The following FSTL5 variants were observed in gnomAD, a reference collection of about 807,000 sequenced individuals.
FSTL5 encodes follistatin like 5.
In FSTL5, 62 loss-of-function variants were observed where a neutral mutation model predicts 89.1. That is an observed-to-expected ratio of 0.70 (90% confidence interval 0.57 to 0.86). The LOEUF is 0.86. FSTL5 is among the 40% of genes least tolerant of loss of function. The pLI is 0.00. For missense variants in FSTL5, 1,057 were observed against 1,001.6 expected (o/e 1.06, Z -0.75); for synonymous variants, 383 against 346.2 (o/e 1.11, Z -1.18).
chr4:161,494,295 CAGT>C (rs1038456216), intron 12 of FSTL5, among the ~76,000 whole-genome samples: 10 of 152,066 alleles, frequency 6.6e-5, no homozygotes, highest in African/African-American at 2.4e-4. Context: ...TTCTGAAAGA[CAGT>C]GGTGTTGTAT....
At chr4:162,151,432 A>G (rs960394954) in intron 1 of FSTL5, among the ~76,000 whole-genome samples, 2 of 152,204 alleles carry the variant, frequency 1.3e-5, no homozygotes, top group Non-Finnish European at 2.9e-5. Context: ...CAGTTTTAAA[A>G]GTTTGAAAGG....
chr4:161,937,463 T>C (rs1471808136), intron 3 of FSTL5, among the ~76,000 whole-genome samples: 1 of 152,074 alleles, frequency 6.6e-6, no homozygotes, highest in East Asian at 1.9e-4. Context: ...AATAGACACA[T>C]ATCATGGCAC....
chr4:161,886,060 C>A (rs1211349145), intron 4 of FSTL5, among the ~76,000 whole-genome samples: 2 of 152,074 alleles, frequency 1.3e-5, no homozygotes, highest in Non-Finnish European at 2.9e-5. Context: ...AAACACATTG[C>A]ATACCAGGTC....
intron 1 of FSTL5, among the ~76,000 whole-genome samples, chr4:162,156,685 T>C (rs935531890): frequency 3.3e-5 from 5 of 152,088 alleles, no homozygotes; most frequent in African/African-American, 4.8e-5. Flanking sequence ...AAGTGGGAGC[T>C]AAATATTGTA....
chr4:161,825,263 C>T (rs763347837), intron 4 of FSTL5, among the ~76,000 whole-genome samples: 1 of 148,362 alleles, frequency 6.7e-6, no homozygotes, highest in Non-Finnish European at 1.5e-5. Flanking sequence ...GGTGGATTAT[C>T]TTTTTGATAT....
intron 8 of FSTL5, 92 bp downstream of exon 8, chr4:161,587,363 T>C: frequency 8.7e-7 from 1 of 1,149,416 alleles, no homozygotes; most frequent in South Asian, 1.3e-5. Flanking sequence ...ATATTATTAG[T>C]ACCTTGTAAA....
At chr4:162,001,758 C>G (rs1207395349) in intron 3 of FSTL5, among the ~76,000 whole-genome samples, 2 of 152,126 alleles carry the variant, frequency 1.3e-5, no homozygotes, top group African/African-American at 2.4e-5. Context: ...TATGCCAAAG[C>G]CAGTGCTCTC....
intron 7 of FSTL5, among the ~76,000 whole-genome samples, chr4:161,650,410 A>G (rs748194481): frequency 3.3e-5 from 5 of 152,230 alleles, no homozygotes; most frequent in Non-Finnish European, 7.3e-5. Context: ...GTAAAAGTGT[A>G]TAATACAATA....
intron 7 of FSTL5, among the ~76,000 whole-genome samples, chr4:161,638,369 G>A (rs1283274830): frequency 2.6e-5 from 4 of 152,038 alleles, no homozygotes; most frequent in Admixed American, 6.6e-5. Flanking sequence ...TTTGGGCTGA[G>A]ACAATGGGGT....
intron 2 of FSTL5, among the ~76,000 whole-genome samples, chr4:162,097,762 T>C (rs1730823274): frequency 1.3e-5 from 2 of 151,782 alleles, no homozygotes; most frequent in South Asian, 2.1e-4. Flanking sequence ...AAAACTACAA[T>C]GGATAATACT....
chr4:161,966,815 T>C (rs1735339951), intron 3 of FSTL5, among the ~76,000 whole-genome samples: 1 of 152,066 alleles, frequency 6.6e-6, no homozygotes. Context: ...TTTGTTATGG[T>C]AGCCCTAGCA....
intron 1 of FSTL5, among the ~76,000 whole-genome samples, chr4:162,149,400 G>A (rs1733137084): frequency 6.6e-6 from 1 of 151,770 alleles, no homozygotes; most frequent in Non-Finnish European, 1.5e-5. Context: ...AGCCAGGTGT[G>A]GTGGCTCACA....
chr4:161,957,741 G>C (rs576659654), intron 3 of FSTL5, among the ~76,000 whole-genome samples: 1 of 151,932 alleles, frequency 6.6e-6, no homozygotes, highest in Admixed American at 6.6e-5. Flanking sequence ...GGGCATAATT[G>C]ACATACCTAA....
chr4:162,161,745 A>G (rs1368448141), intron 1 of FSTL5, among the ~76,000 whole-genome samples: 1 of 151,994 alleles, frequency 6.6e-6, no homozygotes, highest in Non-Finnish European at 1.5e-5. Flanking sequence ...CAAATAAGTT[A>G]TAAAATTAAG....
At chr4:161,830,269 A>G (rs564987073) in intron 4 of FSTL5, among the ~76,000 whole-genome samples, 3 of 152,178 alleles carry the variant, frequency 2.0e-5, no homozygotes, top group South Asian at 2.1e-4. Context: ...TCAACAGTCA[A>G]TGAACAGGCT....
intron 2 of FSTL5, among the ~76,000 whole-genome samples, chr4:162,072,171 A>C (rs953986817): frequency 6.6e-6 from 1 of 151,832 alleles, no homozygotes; most frequent in African/African-American, 2.4e-5. Flanking sequence ...ATGTCAGTTT[A>C]ATTGACATTA....
intron 4 of FSTL5, among the ~76,000 whole-genome samples, chr4:161,809,766 C>T (rs575731443): frequency 6.6e-6 from 1 of 152,268 alleles, no homozygotes; most frequent in Admixed American, 6.5e-5. Context: ...ATTATATAAC[C>T]TACCAAGAAT....
At chr4:161,791,533 T>G (rs557838579) in intron 4 of FSTL5, among the ~76,000 whole-genome samples, 12 of 152,324 alleles carry the variant, frequency 7.9e-5, no homozygotes, top group Non-Finnish European at 8.8e-5. Flanking sequence ...CCAAAACAGC[T>G]ATCAGCCATA....
intron 4 of FSTL5, among the ~76,000 whole-genome samples, chr4:161,896,182 T>A (rs890703570): frequency 1.3e-5 from 2 of 152,218 alleles, no homozygotes; most frequent in African/African-American, 2.4e-5. Context: ...TACATAAACC[T>A]TTATTGTATC....
Sources: allele counts gnomAD v4.1 joint callset (sites outside exome capture counted in the v4.1 genomes callset), GRCh38; gene constraint gnomAD v4.1.1; transcripts MANE v1.5; gene names NCBI Gene and HGNC (gene_info 2026-07-23, HGNC 2026-07-21).